Variants in KHDRBS2 observed in about 807,000 individuals in gnomAD.
The protein encoded by KHDRBS2 is KH domain-containing, RNA-binding, signal transduction-associated protein 2.
KHDRBS2 carries 26 observed loss-of-function variants against 44.3 expected under a neutral mutation model. The observed-to-expected ratio is 0.59, with a 90% CI of 0.43 to 0.81. KHDRBS2 has a LOEUF of 0.81. KHDRBS2 is among the 40% of genes least tolerant of loss of function. The pLI, the probability that KHDRBS2 is intolerant of heterozygous loss-of-function variation, is 0.00. For missense variants in KHDRBS2, 476 were observed against 433.1 expected, an observed-to-expected ratio of 1.10 and a Z score of -0.88; for synonymous variants, 194 against 151.1, an observed-to-expected ratio of 1.28 and a Z score of -2.08.
chr6:62,164,129 C>T (rs917020649), intron 2 of KHDRBS2, among the ~76,000 whole-genome samples: 21 of 151,524 alleles, frequency 1.4e-4, no homozygotes, highest in Admixed American at 3.3e-4. Context: ...TTCTACTGCA[C>T]GTTTTAAGAT....
intron 3 of KHDRBS2, among the ~76,000 whole-genome samples, chr6:62,022,823 G>A (rs1217343023): frequency 6.6e-6 from 1 of 151,534 alleles, no homozygotes; most frequent in Admixed American, 6.6e-5. Context: ...TTAATATTTT[G>A]TTTATTGCAA....
intron 8 of KHDRBS2, among the ~76,000 whole-genome samples, chr6:61,695,301 T>C (rs1233639732): frequency 1.3e-5 from 2 of 152,082 alleles, no homozygotes; most frequent in East Asian, 3.9e-4. Flanking sequence ...ACTGGCAAAT[T>C]GTTGAACTGA....
intron 3 of KHDRBS2, among the ~76,000 whole-genome samples, chr6:61,992,931 C>T (rs1459018294): frequency 6.6e-6 from 1 of 152,066 alleles, no homozygotes; most frequent in African/African-American, 2.4e-5. Context: ...ACCAGAGATG[C>T]CTGCGAACCT....
intron 1 of KHDRBS2, among the ~76,000 whole-genome samples, chr6:62,248,454 G>T (rs1470231086): frequency 1.3e-5 from 2 of 151,918 alleles, no homozygotes. Flanking sequence ...TACCTCCTGG[G>T]TTCAAGCGAT....
At chr6:62,166,200 A>G (rs888887157) in intron 2 of KHDRBS2, among the ~76,000 whole-genome samples, 4 of 152,064 alleles carry the variant, frequency 2.6e-5, no homozygotes, top group African/African-American at 9.7e-5. Flanking sequence ...TGTGTATACC[A>G]CATTTTATTT....
intron 4 of KHDRBS2, among the ~76,000 whole-genome samples, chr6:61,966,997 TA>T (rs1480422725): frequency 1.3e-5 from 2 of 150,782 alleles, no homozygotes; most frequent in African/African-American, 2.4e-5. Context: ...ATGAATGGGA[TA>T]GTTTTATACA....
At chr6:61,906,475 C>A (rs1451873451) in intron 4 of KHDRBS2, among the ~76,000 whole-genome samples, 1 of 151,862 alleles carries the variant, frequency 6.6e-6, no homozygotes, top group Non-Finnish European at 1.5e-5. Context: ...ATTGTGCTAC[C>A]AAATACTAGA....
intron 2 of KHDRBS2, among the ~76,000 whole-genome samples, chr6:62,082,289 A>AAG (rs1226737067): frequency 7.1e-6 from 1 of 141,818 alleles, no homozygotes; most frequent in African/African-American, 2.7e-5. Context: ...TCTTAGTTTA[A>AAG]AGAGAGAGCA....
At chr6:61,721,389 T>C (rs1162017640) in intron 7 of KHDRBS2, among the ~76,000 whole-genome samples, 1 of 151,912 alleles carries the variant, frequency 6.6e-6, no homozygotes. Context: ...ATTTTCACGA[T>C]ATTGATTCTT....
chr6:61,796,925 A>C (rs186688379), intron 6 of KHDRBS2, among the ~76,000 whole-genome samples: 1 of 152,146 alleles, frequency 6.6e-6, no homozygotes, highest in Non-Finnish European at 1.5e-5. Context: ...CTGATAGTGC[A>C]CTTGAATTTC....
At chr6:61,717,832 G>A (rs1201067606) in intron 7 of KHDRBS2, among the ~76,000 whole-genome samples, 2 of 151,930 alleles carry the variant, frequency 1.3e-5, no homozygotes, top group Non-Finnish European at 2.9e-5. Flanking sequence ...CATGCAGATA[G>A]CTCCCTATTT....
At chr6:62,027,946 G>A (rs1018824685) in intron 3 of KHDRBS2, among the ~76,000 whole-genome samples, 6 of 152,008 alleles carry the variant, frequency 3.9e-5, no homozygotes, top group African/African-American at 1.2e-4. Flanking sequence ...TAACAAACCC[G>A]AGGAAGTCGT....
the KHDRBS2 span, among the ~76,000 whole-genome samples, chr6:61,605,196 T>C: frequency 6.6e-6 from 1 of 152,098 alleles, no homozygotes; most frequent in Non-Finnish European, 1.5e-5. Flanking sequence ...TAGGCCCCAG[T>C]CTCATTCCAG....
At chr6:61,692,374 G>A (rs1057404605) in intron 8 of KHDRBS2, among the ~76,000 whole-genome samples, 2 of 151,682 alleles carry the variant, frequency 1.3e-5, no homozygotes, top group Non-Finnish European at 2.9e-5. Context: ...AAATACCAAT[G>A]CATTAAACAT....
intron 2 of KHDRBS2, among the ~76,000 whole-genome samples, chr6:62,161,268 T>C (rs1046211218): frequency 5.9e-5 from 9 of 151,970 alleles, no homozygotes; most frequent in African/African-American, 2.2e-4. Flanking sequence ...GTTTAAACTG[T>C]TTACATTTAA....
the KHDRBS2 span, among the ~76,000 whole-genome samples, chr6:61,567,219 A>G: frequency 6.6e-6 from 1 of 152,152 alleles, no homozygotes; most frequent in Non-Finnish European, 1.5e-5. Context: ...TATATCTCAA[A>G]GGGGGAAAAA....
intron 3 of KHDRBS2, among the ~76,000 whole-genome samples, chr6:62,009,063 A>G (rs2127267332): frequency 6.6e-6 from 1 of 152,268 alleles, no homozygotes; most frequent in East Asian, 1.9e-4. Context: ...AAGGGTTCAG[A>G]GGAAGAAAGG....
intron 7 of KHDRBS2, among the ~76,000 whole-genome samples, chr6:61,717,422 A>G (rs933606921): frequency 6.6e-6 from 1 of 152,204 alleles, no homozygotes; most frequent in African/African-American, 2.4e-5. Context: ...AACAATATCA[A>G]ACCTACTGTT....
intron 2 of KHDRBS2, among the ~76,000 whole-genome samples, chr6:62,083,122 G>A (rs1172624439): frequency 1.3e-5 from 2 of 152,020 alleles, no homozygotes; most frequent in South Asian, 4.1e-4. Context: ...AATGACCCTG[G>A]CCTGCCCTGC....
Sources: gnomAD v4.1 joint callset for allele counts (sites outside exome capture counted in the v4.1 genomes callset) on GRCh38, gnomAD v4.1.1 for gene constraint, MANE v1.5 for transcripts, NCBI Gene and HGNC (gene_info 2026-07-23, HGNC 2026-07-21) for gene names.